Variants in GRK5 observed in about 807,000 individuals in gnomAD.
GRK5 encodes G protein-coupled receptor kinase 5, also known as g protein-coupled receptor kinase GRK5.
GRK5 carries 40 observed loss-of-function variants against 78.4 expected under a neutral mutation model. That is an observed-to-expected ratio of 0.51 (90% CI 0.40 to 0.66). The LOEUF is 0.66. Ranked by LOEUF, GRK5 falls within the 30% of genes least tolerant of loss-of-function variation. The probability of loss-of-function intolerance (pLI) is 0.00; values close to 1 mark genes in which losing one functional copy is unlikely to be tolerated. For missense variants in GRK5, 598 were observed against 759.9 expected (o/e 0.79, Z 2.50); for synonymous variants, 289 against 296.8 (o/e 0.97, Z 0.27).
chr10:119,220,115 T>G (rs191120814), intron 1 of GRK5, among the ~76,000 whole-genome samples: 10 of 152,352 alleles, frequency 6.6e-5, no homozygotes, highest in African/African-American at 2.4e-4. Flanking sequence ...GAAAAATTTC[T>G]AAACAGTCAA....
chr10:119,259,239 T>C (rs1229527113), intron 1 of GRK5, among the ~76,000 whole-genome samples: 1 of 151,860 alleles, frequency 6.6e-6, no homozygotes. Flanking sequence ...TAATTTTTTG[T>C]ATTTTTAGTA....
chr10:119,367,687 G>C (rs1679054053), intron 2 of GRK5, among the ~76,000 whole-genome samples: 2 of 152,244 alleles, frequency 1.3e-5, no homozygotes, highest in African/African-American at 4.8e-5. Flanking sequence ...TGGCCTCACA[G>C]CATGGTGTTG....
Position 119,430,387 on chromosome 10 carries a change from C to T in GRK5, c.546C>T (p.Thr182=). 2 of 1,613,554 alleles carry T rather than the reference C, an allele frequency of 1.2e-6. No individual in the cohort carries two copies. The highest frequency in any genetic ancestry group is 1.7e-6 in the Non-Finnish European group (2 of 1,179,748). Residue 182 remains threonine, a synonymous_variant, in exon 7 of 16, where the codon ACC becomes ACT. Transcript: ENST00000392870. This position sits in a 1 kb window ranked among gnomAD's most constrained non-coding sequence, Gnocchi z 4.5. ...TTCTTTCTTCCAGGCAACCGGTGAC[C>T]AAAAACACTTTCAGGCAGTATCGAG... The part of the protein sequence containing the change: ...QWKWLERQPV[T]KNTFRQYRVL...
At chr10:119,289,671 G>C (rs556052338) in intron 1 of GRK5, among the ~76,000 whole-genome samples, 58 of 152,284 alleles carry the variant, frequency 3.8e-4, no homozygotes, top group African/African-American at 1.3e-3. Context: ...CTTTGTGCAC[G>C]GGCCTCCCGC....
Position 119,207,865 on chromosome 10 carries a change from C to A in GRK5, c.-53C>A. ...GCAGCGGCAGCAGCAGCGGCAGCAC[C>A]CCAGGCGCTGACAGCCCCGCCGGCC... On this transcript the variant is annotated 5_prime_UTR_variant, in exon 1 of 16. Transcript: ENST00000392870. The A allele has an allele frequency of 7.8e-6, 12 of 1,541,540 alleles. No homozygotes were observed. The highest frequency in any genetic ancestry group is 1.1e-5 in the Non-Finnish European group (12 of 1,141,004).
Position 119,430,365 on chromosome 10 carries a change from T to A in GRK5, c.534-10T>A. On this transcript the variant is annotated splice_polypyrimidine_tract_variant and intron_variant, in intron 6 of 15. Coordinates refer to ENST00000392870, the MANE Select transcript of GRK5 (RefSeq NM_005308.3). This position sits in a 1 kb window ranked among gnomAD's most constrained non-coding sequence, Gnocchi z 4.5. ...CCATGAGACCAGTGTGGGATTCTTC[T>A]TTCTTCCAGGCAACCGGTGACCAAA... The A allele has an allele frequency of 1.2e-6, 2 of 1,613,554 alleles. No homozygotes were observed. The highest frequency in any genetic ancestry group is 1.7e-6 in the Non-Finnish European group (2 of 1,179,570).
At position 119,267,546 on chromosome 10, in the gene GRK5, A is replaced by G. The variant is rs1849520269; in HGVS notation, c.53-58970A>G. Among the ~76,000 whole-genome samples, 1 of 152,216 alleles carries G rather than the reference A, an allele frequency of 6.6e-6. No individual in the cohort carries two copies. Among genetic ancestry groups the G allele is most frequent in the South Asian group, 2.1e-4 (1 of 4,836 alleles). On this transcript the variant is annotated intron_variant, in intron 1 of 15. Transcript: ENST00000392870. This position sits in a 1 kb window ranked among gnomAD's most constrained non-coding sequence, Gnocchi z 4.1. Reference sequence around the variant, plus strand: ...CCCTGGGTTGGGCAGCCCTCTCCACAGGATGGCAAGGGGCTGGAGGCTCAG... The same window carrying G: ...CCCTGGGTTGGGCAGCCCTCTCCACGGGATGGCAAGGGGCTGGAGGCTCAG...
At chr10:119,324,422 T>A (rs1167606535) in intron 1 of GRK5, among the ~76,000 whole-genome samples, 1 of 151,940 alleles carries the variant, frequency 6.6e-6, no homozygotes, top group Admixed American at 6.5e-5. Context: ...AGGTCAGGAG[T>A]TTGAGACCGG....
chr10:119,335,960 C>G (rs1007914218), intron 2 of GRK5: 1 of 152,376 alleles, frequency 6.6e-6, no homozygotes. Flanking sequence ...GTGTTGCACA[C>G]AGGCCATCAT....
intron 1 of GRK5, among the ~76,000 whole-genome samples, chr10:119,255,127 G>A (rs555589082): frequency 6.6e-6 from 1 of 152,142 alleles, no homozygotes; most frequent in Admixed American, 6.5e-5. Flanking sequence ...GGTGGGAGGA[G>A]GCCAGGAGAT....
intron 1 of GRK5, among the ~76,000 whole-genome samples, chr10:119,294,335 G>T (rs1169573710): frequency 3.3e-5 from 5 of 152,136 alleles, no homozygotes; most frequent in Non-Finnish European, 5.9e-5. Context: ...ACCACATCTC[G>T]GTTGGTTAGA....
chr10:119,308,921 G>A (rs770799426), intron 1 of GRK5, among the ~76,000 whole-genome samples: 58 of 152,216 alleles, frequency 3.8e-4, no homozygotes, highest in Non-Finnish European at 6.3e-4. Flanking sequence ...CTTCCCAGAC[G>A]GAGCTGAAGG....
Position 119,452,639 on chromosome 10 carries a change from CAT to C in GRK5, c.1405-29_1405-28del. 1.9e-6 allele frequency: 3 copies of C among 1,613,176 alleles called. No homozygotes were observed. Among genetic ancestry groups the C allele is most frequent in the Admixed American group, 1.7e-5 (1 of 60,008 alleles). ...GGGGCCACTGGAGCCGCAGGCGGGA[CAT>C]ATGTGTGACCGGCCCTCTGCCCCTG... is the stretch of plus-strand genomic sequence containing the variant. On this transcript the variant is annotated intron_variant, in intron 13 of 15. Coordinates refer to ENST00000392870, the MANE Select transcript of GRK5 (RefSeq NM_005308.3). The surrounding 1 kb of genome is among the most constrained non-coding windows in gnomAD (Gnocchi z 4.4).
rs772010466 is a variant in GRK5, at chr10:119,378,895, CAG to C, written c.149-1911_149-1910del. 6.6e-6 allele frequency among the ~76,000 whole-genome samples: 1 copy of C among 152,204 alleles called. No individual in the cohort carries two copies. On this transcript the variant is annotated intron_variant, in intron 2 of 15. Coordinates refer to ENST00000392870, the MANE Select transcript of GRK5 (RefSeq NM_005308.3). This position sits in a 1 kb window ranked among gnomAD's most constrained non-coding sequence, Gnocchi z 4.5. ...CCACCCTTGAACCTGTCATTATGGC[CAG>C]AGAGAGAGGCCTCTGATTGGCTGTG... is the stretch of plus-strand genomic sequence containing the variant.
At chr10:119,257,895 G>A (rs2133646490) in intron 1 of GRK5, among the ~76,000 whole-genome samples, 1 of 152,236 alleles carries the variant, frequency 6.6e-6, no homozygotes, top group South Asian at 2.1e-4. Context: ...ATCATGTTTT[G>A]GGGTCCTTGC....
intron 2 of GRK5, chr10:119,333,439 C>A: frequency 4.7e-6 from 1 of 212,862 alleles, no homozygotes; most frequent in East Asian, 1.4e-4. Context: ...ACAGTGATGT[C>A]AGGTTTTCAC....
chr10:119,208,087 C>G, intron 1 of GRK5, 118 bp downstream of exon 1: 1 of 920,356 alleles, frequency 1.1e-6, no homozygotes, highest in African/African-American at 1.8e-5. Flanking sequence ...GCGAGTGGGT[C>G]GCGAGCAGGA....
chr10:119,337,258 G>A (rs947270530), intron 2 of GRK5, among the ~76,000 whole-genome samples: 2 of 152,212 alleles, frequency 1.3e-5, no homozygotes, highest in African/African-American at 4.8e-5. Flanking sequence ...CTGAGTCCCA[G>A]AGAAACAAGG....
intron 1 of GRK5, among the ~76,000 whole-genome samples, chr10:119,272,575 C>CA (rs34489675): frequency 3.1e-5 from 3 of 97,530 alleles, no homozygotes; most frequent in South Asian, 4.3e-4. Flanking sequence ...GATTCTATCT[C>CA]AAAAAAAAAA....
Sources: gnomAD v4.1 joint callset for allele counts (sites outside exome capture counted in the v4.1 genomes callset) on GRCh38, gnomAD v4.1.1 for gene constraint, Gnocchi (gnomAD v3.1) non-coding constraint, MANE v1.5 for transcripts, NCBI Gene and HGNC (gene_info 2026-07-23, HGNC 2026-07-21) for gene names.